MRPL18: variants seen among roughly 807,000 people sequenced by gnomAD.
MRPL18 encodes the protein mitochondrial ribosomal protein L18.
In MRPL18, 16 loss-of-function variants were observed where a neutral mutation model predicts 20.9. The observed-to-expected ratio is 0.76, with a 90% CI of 0.52 to 1.16. MRPL18 has a LOEUF of 1.16. Among genes scored for constraint, MRPL18 ranks in the 50% most tolerant of loss-of-function variants. The pLI is 0.00. For missense variants in MRPL18, 233 were observed against 230.6 expected, an observed-to-expected ratio of 1.01 and a Z score of -0.07; for synonymous variants, 91 against 87.1, an observed-to-expected ratio of 1.04 and a Z score of -0.25.
intron 2 of MRPL18, among the ~76,000 whole-genome samples, chr6:159,791,434 G>T (rs372407681): frequency 2.6e-5 from 4 of 152,328 alleles, no homozygotes; most frequent in African/African-American, 9.6e-5. Context: ...GAACTGAAGG[G>T]CTTGTGGATC....
chr6:159,793,288 G>T (rs574014289), intron 2 of MRPL18, among the ~76,000 whole-genome samples: 1 of 152,172 alleles, frequency 6.6e-6, no homozygotes, highest in African/African-American at 2.4e-5. Context: ...GCCCTTCATT[G>T]AACAAATGGT....
intron 2 of MRPL18, among the ~76,000 whole-genome samples, chr6:159,796,352 C>T (rs1174246231): frequency 6.6e-6 from 1 of 151,584 alleles, no homozygotes; most frequent in Non-Finnish European, 1.5e-5. Context: ...CAGTGGCATG[C>T]GCCTGTAGTC....
intron 1 of MRPL18, 116 bp downstream of exon 1, chr6:159,790,755 C>G (rs748158563): frequency 2.1e-6 from 3 of 1,451,120 alleles, no homozygotes; most frequent in African/African-American, 1.4e-5. Context: ...GCTCGCGGCA[C>G]TGCGAAGACC....
chr6:159,791,049 G>A lies in MRPL18; in HGVS notation c.162G>A (p.Arg54=). 6.2e-7 allele frequency: 1 copy of A among 1,614,180 alleles called. No homozygotes were observed. The highest frequency in any genetic ancestry group is 8.5e-7 in the Non-Finnish European group (1 of 1,180,016). The change falls in exon 2 of 4, where the codon CGG becomes CGA. Residue 54 remains arginine (R), a synonymous_variant. Transcript: ENST00000367034. The part of the protein sequence containing the change: ...VAPEFTNRNP[R]NLELLSVARK... Reference sequence around the variant, plus strand: ...CAGAATTCACCAACCGGAACCCCCGGAACCTGGAGCTTTTATCTGTAGCCA... The same window carrying A: ...CAGAATTCACCAACCGGAACCCCCGAAACCTGGAGCTTTTATCTGTAGCCA...
chr6:159,797,956 T>C (rs766423412), intron 3 of MRPL18, 96 bp from the exon 4 acceptor site: 1 of 1,029,196 alleles, frequency 9.7e-7, no homozygotes, highest in Admixed American at 2.3e-5. Context: ...CAAGAACAAA[T>C]CAATTTATTT....
intron 2 of MRPL18, among the ~76,000 whole-genome samples, chr6:159,794,331 A>G (rs1348601162): frequency 1.3e-5 from 2 of 152,208 alleles, no homozygotes; most frequent in Admixed American, 1.3e-4. Context: ...CCATGGCTCC[A>G]TTACTTACTA....
At chr6:159,790,795 C>T in intron 1 of MRPL18, 145 bp from the exon 2 acceptor site, 1 of 1,366,904 alleles carries the variant, frequency 7.3e-7, no homozygotes, top group Non-Finnish European at 1.0e-6. Context: ...GGGGTCAGTG[C>T]TGACTCCACC....
intron 2 of MRPL18, among the ~76,000 whole-genome samples, chr6:159,791,477 A>C (rs1780897624): frequency 6.6e-6 from 1 of 152,234 alleles, no homozygotes; most frequent in South Asian, 2.1e-4. Context: ...GAATGGCCCA[A>C]GATGAACATG....
intron 2 of MRPL18, among the ~76,000 whole-genome samples, chr6:159,795,624 CA>C (rs1435969150): frequency 2.0e-5 from 3 of 152,162 alleles, no homozygotes; most frequent in Non-Finnish European, 4.4e-5. Flanking sequence ...TAGTACAGAA[CA>C]AAATGGAGTC....
chr6:159,794,741 G>C (rs1780988756), intron 2 of MRPL18, among the ~76,000 whole-genome samples: 1 of 152,196 alleles, frequency 6.6e-6, no homozygotes, highest in Non-Finnish European at 1.5e-5. Context: ...AAGTTATGAA[G>C]GGGTGGGTTG....
upstream of MRPL18, chr6:159,790,068 T>C (rs562307029): frequency 1.5e-4 from 26 of 178,240 alleles, no homozygotes; most frequent in African/African-American, 5.8e-4. Context: ...AGTGTAAGTT[T>C]AAGGGCGCGA....
upstream of MRPL18, chr6:159,790,346 G>GC: frequency 1.6e-6 from 1 of 618,134 alleles, no homozygotes; most frequent in Non-Finnish European, 2.9e-6. Flanking sequence ...TGGTTGGTGG[G>GC]CTCCAGGGCC....
At chr6:159,797,097 A>G (rs970566892) in intron 2 of MRPL18, among the ~76,000 whole-genome samples, 190 bp from the exon 3 acceptor site, 1 of 152,232 alleles carries the variant, frequency 6.6e-6, no homozygotes, top group Non-Finnish European at 1.5e-5. Context: ...TTAGTTTGTT[A>G]TTATTGAGGA....
intron 2 of MRPL18, among the ~76,000 whole-genome samples, chr6:159,796,719 G>C (rs1781037683): frequency 6.6e-6 from 1 of 152,168 alleles, no homozygotes; most frequent in South Asian, 2.1e-4. Context: ...AGGGGTTTGA[G>C]GCTACAGTGA....
intron 2 of MRPL18, among the ~76,000 whole-genome samples, chr6:159,794,914 C>G (rs560944763): frequency 6.6e-6 from 1 of 152,072 alleles, no homozygotes; most frequent in Non-Finnish European, 1.5e-5. Context: ...ATTGATCATT[C>G]GTGGGTGTTT....
chr6:159,790,220 A>G (rs1780830367), upstream of MRPL18, among the ~76,000 whole-genome samples: 1 of 152,092 alleles, frequency 6.6e-6, no homozygotes. Context: ...GTGTGTGTGG[A>G]CCAGTCGATG....
intron 2 of MRPL18, among the ~76,000 whole-genome samples, chr6:159,794,585 G>A (rs934647096): frequency 4.6e-5 from 7 of 152,080 alleles, no homozygotes; most frequent in Non-Finnish European, 1.5e-5. Context: ...GCTCCTAGAG[G>A]GTGATTATCT....
chr6:159,793,044 C>G (rs1401677543), intron 2 of MRPL18, among the ~76,000 whole-genome samples: 1 of 150,062 alleles, frequency 6.7e-6, no homozygotes, highest in Non-Finnish European at 1.5e-5. Flanking sequence ...CCAGGCTGGT[C>G]TCGAGCTCTT....
chr6:159,797,692 GACTAGTACTCTCATTCTATACAGA>G (rs1015159802), intron 3 of MRPL18, among the ~76,000 whole-genome samples, 174 bp downstream of exon 3: 4 of 152,200 alleles, frequency 2.6e-5, no homozygotes, highest in Admixed American at 1.3e-4. Context: ...ATAGGGTAGG[GACTAGTACTCTCATTCTATACAGA>G]AATAAACTGA....
Sources: gnomAD v4.1 joint callset for allele counts (sites outside exome capture counted in the v4.1 genomes callset) on GRCh38, gnomAD v4.1.1 for gene constraint, MANE v1.5 for transcripts, NCBI Gene and HGNC (gene_info 2026-07-23, HGNC 2026-07-21) for gene names.